RNF180: variants seen among roughly 807,000 people sequenced by gnomAD.
RNF180 encodes the protein E3 ubiquitin-protein ligase RNF180.
A neutral mutation model predicts 59.2 loss-of-function variants in RNF180; 38 were observed. The observed-to-expected ratio is 0.64, with a 90% CI of 0.50 to 0.84. RNF180 has a LOEUF of 0.84. Among genes scored for constraint, RNF180 ranks in the 40% least tolerant of loss-of-function variants. The probability of loss-of-function intolerance (pLI) is 0.00; values close to 1 mark genes in which losing one functional copy is unlikely to be tolerated. For synonymous variants in RNF180, 262 were observed against 240.3 expected, an observed-to-expected ratio of 1.09 and a Z score of -0.84; for missense variants, 705 against 700.9, an observed-to-expected ratio of 1.01 and a Z score of -0.07.
intron 5 of RNF180, among the ~76,000 whole-genome samples, chr5:64,253,962 A>C (rs1272810988): frequency 1.3e-5 from 2 of 152,098 alleles, no homozygotes; most frequent in Non-Finnish European, 2.9e-5. Context: ...CTTATTTTTT[A>C]TATTAAATTT....
In RNF180 at chr5:64,363,569, G is replaced by T. The variant is rs550000075; in HGVS notation, c.1580-6046G>T. On this transcript the variant is annotated intron_variant, in intron 7 of 7. Transcript: ENST00000389100. ...TGCTTAGGATTTCCTTGGCTATTCA[G>T]GCTCTTTTTTGGTTCCATATGAACT... is the stretch of plus-strand genomic sequence containing the variant. 2.6e-5 allele frequency among the ~76,000 whole-genome samples: 4 copies of T among 151,970 alleles called. No individual in the cohort carries two copies. The South Asian group carries it at 8.3e-4, about 32-fold the overall frequency.
chr5:64,296,429 CAA>C (rs1305912502), intron 5 of RNF180, among the ~76,000 whole-genome samples: 1 of 152,074 alleles, frequency 6.6e-6, no homozygotes, highest in Non-Finnish European at 1.5e-5. Context: ...TTTATTGACT[CAA>C]GACAAAAATT....
intron 5 of RNF180, among the ~76,000 whole-genome samples, chr5:64,300,663 G>A (rs1324807548): frequency 6.6e-6 from 1 of 151,674 alleles, no homozygotes; most frequent in African/African-American, 2.4e-5. Context: ...TTAAGGGCCA[G>A]ATCTTGAGCA....
intron 2 of RNF180, among the ~76,000 whole-genome samples, chr5:64,206,371 A>G (rs1366380794): frequency 6.6e-6 from 1 of 152,192 alleles, no homozygotes; most frequent in East Asian, 1.9e-4. Context: ...CACCATTGCC[A>G]ATGCAGTGGC....
intron 5 of RNF180, among the ~76,000 whole-genome samples, chr5:64,227,619 G>A (rs1355875791): frequency 2.0e-5 from 3 of 152,138 alleles, no homozygotes; most frequent in Admixed American, 1.3e-4. Context: ...CCCGAATCTT[G>A]GTTCACATAC....
At chr5:64,338,015 A>T (rs1170375144) in intron 7 of RNF180, among the ~76,000 whole-genome samples, 3 of 152,168 alleles carry the variant, frequency 2.0e-5, no homozygotes, top group Admixed American at 6.5e-5. Flanking sequence ...CTTTGGGTAT[A>T]TACCCAGTAA....
At chr5:64,206,146 G>T (rs1036378740) in intron 2 of RNF180, among the ~76,000 whole-genome samples, 2 of 152,164 alleles carry the variant, frequency 1.3e-5, no homozygotes, top group Non-Finnish European at 2.9e-5. Context: ...CATATGTAAA[G>T]ACCCTAAATG....
intron 1 of RNF180, among the ~76,000 whole-genome samples, chr5:64,180,429 T>C (rs540901696): frequency 6.6e-6 from 1 of 152,306 alleles, no homozygotes; most frequent in South Asian, 2.1e-4. Flanking sequence ...TTTTAAAAAA[T>C]TATGTGAAGA....
At chr5:64,304,852 A>G (rs1191936990) in intron 5 of RNF180, among the ~76,000 whole-genome samples, 1 of 151,696 alleles carries the variant, frequency 6.6e-6, no homozygotes, top group Non-Finnish European at 1.5e-5. Flanking sequence ...CATGCTACAG[A>G]TAAATTTTTG....
chr5:64,181,605 A>G (rs1056445325), intron 1 of RNF180, among the ~76,000 whole-genome samples: 8 of 152,150 alleles, frequency 5.3e-5, no homozygotes, highest in African/African-American at 1.7e-4. Context: ...TATGTCAGCA[A>G]CCTTTGCCTA....
chr5:64,254,448 T>A (rs1387660547), intron 5 of RNF180, among the ~76,000 whole-genome samples: 1 of 152,186 alleles, frequency 6.6e-6, no homozygotes, highest in East Asian at 1.9e-4. Context: ...AAGTATTTTA[T>A]GCCTTGGGGA....
At chr5:64,273,023 G>A (rs1475753692) in intron 5 of RNF180, among the ~76,000 whole-genome samples, 1 of 151,854 alleles carries the variant, frequency 6.6e-6, no homozygotes, top group Non-Finnish European at 1.5e-5. Flanking sequence ...GACAGAAGCT[G>A]TAGGTCCATT....
In RNF180 at chr5:64,246,741, T is replaced by A. The variant is rs111261902; in HGVS notation, c.1227+29345T>A. Among the ~76,000 whole-genome samples the A allele has an allele frequency of 3.3e-3, 501 of 152,218 alleles. 4 individuals are homozygous for A. Among genetic ancestry groups the A allele is most frequent in the South Asian group, 1.0e-2 (48 of 4,820 alleles). On this transcript the variant is annotated intron_variant, in intron 5 of 7. Transcript: ENST00000389100. ...ATTCCAAACAATAGAAAAAGAGGGATTCCTCCCAAACTCATTTTATGGGGC... is the reference window on the plus strand; with the variant it reads ...ATTCCAAACAATAGAAAAAGAGGGAATCCTCCCAAACTCATTTTATGGGGC...
chr5:64,325,916 T>A (rs1333776544), intron 6 of RNF180, among the ~76,000 whole-genome samples: 1 of 152,186 alleles, frequency 6.6e-6, no homozygotes, highest in East Asian at 1.9e-4. Flanking sequence ...GAGCAAGGAT[T>A]TGTTGACCTA....
chr5:64,265,329 A>G (rs558732339), intron 5 of RNF180, among the ~76,000 whole-genome samples: 3 of 152,064 alleles, frequency 2.0e-5, no homozygotes, highest in South Asian at 2.1e-4. Flanking sequence ...GGCATTGTCT[A>G]TGTTTTCTTC....
At chr5:64,293,763 A>T (rs1742732761) in intron 5 of RNF180, among the ~76,000 whole-genome samples, 1 of 152,162 alleles carries the variant, frequency 6.6e-6, no homozygotes, top group African/African-American at 2.4e-5. Context: ...TCACTGTCAT[A>T]TCAAAGAAAG....
chr5:64,215,520 A>G (rs1238275373), intron 4 of RNF180, among the ~76,000 whole-genome samples: 1 of 152,062 alleles, frequency 6.6e-6, no homozygotes, highest in African/African-American at 2.4e-5. Flanking sequence ...ATTTTTTATT[A>G]TATTTTTGGT....
At chr5:64,166,120 C>T (rs1749620396) in intron 1 of RNF180, 167 bp downstream of exon 1, 1 of 152,266 alleles carries the variant, frequency 6.6e-6, no homozygotes, top group Admixed American at 6.5e-5. Flanking sequence ...CTGGCCGCCT[C>T]TCGCCCGGCG....
intron 7 of RNF180, among the ~76,000 whole-genome samples, chr5:64,338,267 T>C (rs537538970): frequency 1.1e-4 from 16 of 152,326 alleles, no homozygotes; most frequent in African/African-American, 3.8e-4. Context: ...CTCTTTGCAC[T>C]TACCAGACTT....
Sources: allele counts gnomAD v4.1 joint callset (sites outside exome capture counted in the v4.1 genomes callset), GRCh38; gene constraint gnomAD v4.1.1; transcripts MANE v1.5; gene names NCBI Gene and HGNC (gene_info 2026-07-23, HGNC 2026-07-21).